The following OR51L1 variants were observed in gnomAD, a reference collection of about 807,000 sequenced individuals.
OR51L1 encodes olfactory receptor family 51 subfamily L member 1, also known as olfactory receptor 51L1.
OR51L1 carries 1 observed loss-of-function variant against 1.4 expected under a neutral mutation model. The observed-to-expected ratio is 0.72, with a 90% CI of 0.26 to 3.42. The LOEUF is 3.42. Ranked by LOEUF, OR51L1 falls within the 30% of genes most tolerant of loss-of-function variation. The probability of loss-of-function intolerance (pLI) is 0.20; values close to 1 mark genes in which losing one functional copy is unlikely to be tolerated. For synonymous variants in OR51L1, 156 were observed against 144.2 expected (o/e 1.08, Z -0.59); for missense variants, 378 against 380.0 (o/e 0.99, Z 0.04).
At position 4,995,223 on chromosome 11, in the gene OR51L1, GA is replaced by G. The variant is rs1847058078; in HGVS notation, c.-370del. ...AAAATATGACTTTAACTATAGTGAA[GA>G]AAAGTTTAGTCAGAGAAAGACAAAA... On this transcript the variant is annotated 5_prime_UTR_variant, in exon 1 of 3. An upstream open reading frame in the 5' UTR gains an earlier in-frame stop. Transcript: ENST00000641819. 1 of 152,120 alleles carries G rather than the reference GA, an allele frequency of 6.6e-6. No individual in the cohort carries two copies. Among genetic ancestry groups the G allele is most frequent in the Non-Finnish European group, 1.5e-5 (1 of 67,992 alleles). 9.4% of individuals were successfully genotyped at this position (152,120 alleles called of 1,614,324 possible). A position where few individuals can be genotyped will look rare whatever the true frequency, so the allele number is the denominator to read the frequency against.
rs756510179 is a variant in OR51L1 at position 5,004,420 on chromosome 11, A to G, written c.*4490A>G. On this transcript the variant is annotated 3_prime_UTR_variant, in exon 3 of 3. Transcript: ENST00000641819. The stretch of plus-strand genomic sequence containing the variant: ...ATCACAGTTTGGACTGACAAGCTGG[A>G]AACACCCCTCCAGGGTCCAAATAGG... The G allele has an allele frequency of 1.3e-5, 2 of 152,194 alleles. No individual in the cohort carries two copies. Among genetic ancestry groups the G allele is most frequent in the Non-Finnish European group, 1.5e-5 (1 of 68,048 alleles). The allele number at this position is 152,194 out of a possible 1,614,324, so 9.4% of individuals were successfully genotyped here.
rs983523295 is a variant in OR51L1 at position 5,001,431 on chromosome 11, A to G, written c.*1501A>G. The G allele has an allele frequency of 2.6e-5, 4 of 152,218 alleles. No individual in the cohort carries two copies. The highest frequency in any genetic ancestry group is 5.9e-5 in the Non-Finnish European group (4 of 68,036). 9.4% of individuals were successfully genotyped at this position (152,218 alleles called of 1,614,324 possible). On this transcript the variant is annotated 3_prime_UTR_variant, in exon 3 of 3. Transcript: ENST00000641819. ...GAATTGTTGAAGAAAGCCTGACAGTACATGTCTAACCATCTGGGCAATTGT... is the reference window on the plus strand; with the variant it reads ...GAATTGTTGAAGAAAGCCTGACAGTGCATGTCTAACCATCTGGGCAATTGT...
At chr11:4,996,726 TTTCTTTCTTTCTTTC>T (rs955744065) in intron 1 of OR51L1, among the ~76,000 whole-genome samples, 4 of 67,354 alleles carry the variant, frequency 5.9e-5, no homozygotes, top group South Asian at 9.0e-4. Flanking sequence ...TTTTCTTTTC[TTTCTTTCTTTCTTTC>T]TTTCTTTCTT....
chr11:4,999,274 G>T lies in OR51L1; in HGVS notation c.292G>T (p.Ala98Ser). The T allele has an allele frequency of 1.2e-6, 2 of 1,614,164 alleles. No homozygotes were observed. The highest frequency in any genetic ancestry group is 1.7e-6 in the Non-Finnish European group (2 of 1,180,024). The change falls in exon 3 of 3, where the codon GCT becomes TCT. Residue 98 changes from alanine (A) to serine (S), a missense_variant. Ala to Ser is a moderately conservative substitution (Grantham distance 99, BLOSUM62 1). Transcript: ENST00000641819. Reference protein sequence around the residue: ...WLDAPEIQASACYAQLFFIHT... With the variant: ...WLDAPEIQASSCYAQLFFIHT... ...GGATGCTCCAGAGATCCAGGCAAGT[G>T]CTTGCTATGCTCAGCTGTTCTTCAT...
chr11:4,996,653 GTTTTC>G (rs1335777588), intron 1 of OR51L1, among the ~76,000 whole-genome samples: 50 of 151,948 alleles, frequency 3.3e-4, no homozygotes, highest in Admixed American at 5.9e-4. Flanking sequence ...TGTGGCCACA[GTTTTC>G]TTTTCTTTTT....
rs1439395467 is a variant in OR51L1, at chr11:4,999,436, C to T, written c.454C>T (p.Leu152=). The T allele has an allele frequency of 6.2e-7, 1 of 1,614,148 alleles. No individual in the cohort carries two copies. Among genetic ancestry groups the T allele is most frequent in the East Asian group, 2.2e-5 (1 of 44,862 alleles). The change falls in exon 3 of 3, where the codon CTA becomes TTA. Residue 152 remains leucine (L), a synonymous_variant. Coordinates refer to ENST00000641819, the MANE Select transcript of OR51L1 (RefSeq NM_001004755.2). Reference sequence around the variant, plus strand: ...TGGCAAAATTGGTTTGGCCTGTTTGCTACGAAGCTTGGGAGTTGTACTTCC... The same window carrying T: ...TGGCAAAATTGGTTTGGCCTGTTTGTTACGAAGCTTGGGAGTTGTACTTCC... ...VIGKIGLACL[L]RSLGVVLPTP...
At position 4,998,867 on chromosome 11, in the gene OR51L1, G is replaced by T; in HGVS notation, c.-116G>T. ...GCTTCCTTCCTCTGTGAGGTTAGAC[G>T]AAAGATGTATTTTTGTCCTCATTCC... On this transcript the variant is annotated 5_prime_UTR_variant, in exon 3 of 3. Coordinates refer to ENST00000641819, the MANE Select transcript of OR51L1 (RefSeq NM_001004755.2). 1 of 1,158,562 alleles carries T rather than the reference G, an allele frequency of 8.6e-7. No individual in the cohort carries two copies. 71.8% of individuals were successfully genotyped at this position (1,158,562 alleles called of 1,614,324 possible).
rs755101495 is a variant in OR51L1 at position 4,999,968 on chromosome 11, A to G, written c.*38A>G. 7.6e-5 allele frequency: 116 copies of G among 1,525,840 alleles called. 2 individuals are homozygous for G. The highest frequency in any genetic ancestry group is 1.4e-5 in the African/African-American group (1 of 72,358). The allele number at this position is 1,525,840 out of a possible 1,614,324, so 94.5% of individuals were successfully genotyped here. Reference sequence around the variant, plus strand: ...CTCCAACTTTTCCACTGAAAATCTCATGGAAGCTGTTTTAGTATATGAAAA... The same window carrying G: ...CTCCAACTTTTCCACTGAAAATCTCGTGGAAGCTGTTTTAGTATATGAAAA... On this transcript the variant is annotated 3_prime_UTR_variant, in exon 3 of 3. Coordinates refer to ENST00000641819, the MANE Select transcript of OR51L1 (RefSeq NM_001004755.2).
intron 2 of OR51L1, among the ~76,000 whole-genome samples, chr11:4,997,866 C>T (rs1847086142): frequency 6.6e-6 from 1 of 152,000 alleles, no homozygotes. Context: ...ATATTTAAGG[C>T]CTAAATTCTG....
rs73390917 is a variant in OR51L1 at position 5,000,345 on chromosome 11, C to T, written c.*415C>T. On this transcript the variant is annotated 3_prime_UTR_variant, in exon 3 of 3. Transcript: ENST00000641819. ...TATCTCTTTTACTAGTACTGCTGCA[C>T]GTATTTTGTTGTTCATGCTACAATG... The T allele has an allele frequency of 3.3e-3, 533 of 160,380 alleles. 2 individuals are homozygous for T. The highest frequency in any genetic ancestry group is 0.012 in the African/African-American group (515 of 41,614). 9.9% of individuals were successfully genotyped at this position (160,380 alleles called of 1,614,324 possible).
At position 5,002,254 on chromosome 11, in the gene OR51L1, G is replaced by A. The variant is rs1016552048; in HGVS notation, c.*2324G>A. The A allele has an allele frequency of 3.3e-5, 5 of 152,170 alleles. No homozygotes were observed. Among genetic ancestry groups the A allele is most frequent in the African/African-American group, 1.2e-4 (5 of 41,444 alleles). 9.4% of individuals were successfully genotyped at this position (152,170 alleles called of 1,614,324 possible). On this transcript the variant is annotated 3_prime_UTR_variant, in exon 3 of 3. Coordinates refer to ENST00000641819, the MANE Select transcript of OR51L1 (RefSeq NM_001004755.2). ...GAAATTGGTAAACATTATATATCAG[G>A]ACTTGAAATTTTTTCTTAGAGAGGA...
intron 1 of OR51L1, 46 bp downstream of exon 1, chr11:4,995,381 C>T (rs1307779899): frequency 2.0e-5 from 3 of 151,894 alleles, no homozygotes; most frequent in Admixed American, 6.6e-5. Context: ...GATTTTAGCA[C>T]ATTTTGTATG....
At chr11:4,995,491 T>G (rs7928029) in intron 1 of OR51L1, among the ~76,000 whole-genome samples, 156 bp downstream of exon 1, 48,850 of 151,956 alleles carry the variant, frequency 0.32, 8,205 homozygotes, top group African/African-American at 0.37. Context: ...AAAATTAAAT[T>G]TATTACAGTA....
intron 2 of OR51L1, 70 bp from the exon 3 acceptor site, chr11:4,998,754 A>T: frequency 2.1e-6 from 1 of 470,252 alleles, no homozygotes; most frequent in Non-Finnish European, 3.7e-6. Flanking sequence ...AGAGATGACC[A>T]TATTTGTGTA....
In OR51L1 at chr11:5,002,553, T is replaced by G. The variant is rs1289998801; in HGVS notation, c.*2623T>G. ...GTCCAGTAGAAAGCCTTCAATTTTT[T>G]TTTTTTTACCTTTTCAGGAATTGCC... On this transcript the variant is annotated 3_prime_UTR_variant, in exon 3 of 3. Coordinates refer to ENST00000641819, the MANE Select transcript of OR51L1 (RefSeq NM_001004755.2). 1.3e-5 allele frequency: 2 copies of G among 152,160 alleles called. No individual in the cohort carries two copies. The highest frequency in any genetic ancestry group is 2.9e-5 in the Non-Finnish European group (2 of 68,040). The allele number at this position is 152,160 out of a possible 1,614,324, so 9.4% of individuals were successfully genotyped here. A position where few individuals can be genotyped will look rare whatever the true frequency, so the allele number is the denominator to read the frequency against.
Position 4,999,022 on chromosome 11 carries a change from T to G in OR51L1, c.40T>G (p.Phe14Val). Residue 14 changes from phenylalanine (F) to valine (V), a missense_variant, in exon 3 of 3, where the codon TTT (phenylalanine) becomes GTT (valine). Phe to Val is a conservative substitution (Grantham distance 50). Coordinates refer to ENST00000641819, the MANE Select transcript of OR51L1 (RefSeq NM_001004755.2). ...TAACAGTGATGCTGTGGAGCCCATA[T>G]TTATCCTGAGGGGTTTTCCTGGACT... The part of the protein sequence containing the change: ...WNNSDAVEPI[F>V]ILRGFPGLEY... 1 of 1,614,006 alleles carries G rather than the reference T, an allele frequency of 6.2e-7. No individual in the cohort carries two copies. The highest frequency in any genetic ancestry group is 8.5e-7 in the Non-Finnish European group (1 of 1,179,880).
chr11:4,996,339 T>C (rs548764341), intron 1 of OR51L1, among the ~76,000 whole-genome samples: 46 of 152,268 alleles, frequency 3.0e-4, no homozygotes, highest in Admixed American at 5.2e-4. Context: ...AACATCATTC[T>C]GTATACCTTA....
Position 5,002,790 on chromosome 11 carries a change from TTTCA to T in OR51L1, c.*2863_*2866del, listed in dbSNP as rs1220981888. 11 of 152,284 alleles carry T rather than the reference TTTCA, an allele frequency of 7.2e-5. No individual in the cohort carries two copies. The highest frequency in any genetic ancestry group is 2.2e-4 in the African/African-American group (9 of 41,546). 9.4% of individuals were successfully genotyped at this position (152,284 alleles called of 1,614,324 possible). ...CCCAATCCTACCCACTTTCATTCCTTTTCATTTAAGATGATTATCCCAGGGATTC... is the reference window on the plus strand; with the variant it reads ...CCCAATCCTACCCACTTTCATTCCTTTTTAAGATGATTATCCCAGGGATTC... On this transcript the variant is annotated 3_prime_UTR_variant, in exon 3 of 3. Transcript: ENST00000641819.
At position 4,995,070 on chromosome 11, in the gene OR51L1, C is replaced by T. The variant is rs1847055673; in HGVS notation, c.-527C>T. On this transcript the variant is annotated 5_prime_UTR_variant, in exon 1 of 3. Coordinates refer to ENST00000641819, the MANE Select transcript of OR51L1 (RefSeq NM_001004755.2). ...AATAGAGGATTACATGCTGAAAAGA[C>T]ACAAACTTAGATAAAAACAAAATAT... is the stretch of plus-strand genomic sequence containing the variant. The T allele has an allele frequency of 6.6e-6, 1 of 151,816 alleles. No homozygotes were observed. The highest frequency in any genetic ancestry group is 6.6e-5 in the Admixed American group (1 of 15,236). The allele number at this position is 151,816 out of a possible 1,614,324, so 9.4% of individuals were successfully genotyped here.
Sources: allele counts gnomAD v4.1 joint callset (sites outside exome capture counted in the v4.1 genomes callset), GRCh38; gene constraint gnomAD v4.1.1; transcripts MANE v1.5; gene names NCBI Gene and HGNC (gene_info 2026-07-23, HGNC 2026-07-21).